Variants in ALX4 observed in about 807,000 individuals in gnomAD.
ALX4 encodes the protein homeobox protein aristaless-like 4.
Under a neutral mutation model 40.6 loss-of-function variants are expected in ALX4, and 22 were observed. The observed-to-expected ratio is 0.54, with a 90% CI of 0.39 to 0.77. The LOEUF is 0.77. Among genes scored for constraint, ALX4 ranks in the 30% least tolerant of loss-of-function variants. The pLI is 0.00. For missense variants in ALX4, 556 were observed against 564.8 expected (o/e 0.98, Z 0.16); for synonymous variants, 266 against 240.5 (o/e 1.11, Z -0.98).
rs888638764 is a variant in ALX4 at position 44,275,375 on chromosome 11, C to T, written c.750G>A (p.Arg250=). ...GCACGCGGGCCTCAGTGAGGTCTGT[C>T]CTCATGGCCAGCTGTTCCCGCGCAT... ...DVYAREQLAM[R]TDLTEARVQV... Residue 250 remains arginine (R), a synonymous_variant, in exon 2 of 4, where the codon AGG becomes AGA. Coordinates refer to ENST00000652299, the MANE Select transcript of ALX4 (RefSeq NM_021926.4). 6 of 1,614,092 alleles carry T rather than the reference C, an allele frequency of 3.7e-6. No individual in the cohort carries two copies. Among genetic ancestry groups the T allele is most frequent in the Non-Finnish European group, 4.2e-6 (5 of 1,180,046 alleles).
At chr11:44,268,479 C>A (rs745434069) in intron 2 of ALX4, among the ~76,000 whole-genome samples, 16 of 152,114 alleles carry the variant, frequency 1.1e-4, no homozygotes, top group Non-Finnish European at 2.2e-4. Context: ...GGAGGCCAAC[C>A]CGTCACTGAG....
intron 1 of ALX4, among the ~76,000 whole-genome samples, chr11:44,279,644 C>T (rs4405295): frequency 0.011 from 1,739 of 152,304 alleles, 35 homozygotes; most frequent in African/African-American, 0.04. Flanking sequence ...CATCTCGGGC[C>T]CCTGCCTGGC....
In ALX4 at chr11:44,310,051, C is replaced by A; in HGVS notation, c.12G>T (p.Glu4Asp). Reference protein sequence around the residue: MNAETCVSYCESPA... With the variant: MNADTCVSYCESPA... Reference sequence around the variant, plus strand: ...GCGACTCGCAGTAAGAGACGCAAGTCTCAGCATTCATGCCTGGCTTGCGCA... The same window carrying A: ...GCGACTCGCAGTAAGAGACGCAAGTATCAGCATTCATGCCTGGCTTGCGCA... The change falls in exon 1 of 4, where the codon GAG becomes GAT. Residue 4 changes from glutamate (E) to aspartate (D), a missense_variant. By Grantham distance (45) the Glu-to-Asp change is conservative (BLOSUM62 2). Transcript: ENST00000652299. 1 of 1,596,364 alleles carries A rather than the reference C, an allele frequency of 6.3e-7. No homozygotes were observed. Among genetic ancestry groups the A allele is most frequent in the Non-Finnish European group, 8.5e-7 (1 of 1,171,454 alleles).
chr11:44,300,006 A>T (rs148156168), intron 1 of ALX4, among the ~76,000 whole-genome samples: 1 of 152,312 alleles, frequency 6.6e-6, no homozygotes, highest in East Asian at 1.9e-4. Context: ...ATGGTTCTGC[A>T]GCAGCAGCCA....
At chr11:44,302,137 T>C (rs1023833464) in intron 1 of ALX4, among the ~76,000 whole-genome samples, 1 of 152,168 alleles carries the variant, frequency 6.6e-6, no homozygotes, top group Non-Finnish European at 1.5e-5. Context: ...AGGCAGAGGC[T>C]ATGCCACCCA....
intron 1 of ALX4, among the ~76,000 whole-genome samples, chr11:44,307,369 C>T (rs1285517438): frequency 6.6e-6 from 1 of 152,198 alleles, no homozygotes; most frequent in East Asian, 1.9e-4. Flanking sequence ...CCCTTTCCGT[C>T]AGCTCCAAAG....
intron 1 of ALX4, among the ~76,000 whole-genome samples, chr11:44,281,541 G>A (rs971612429): frequency 3.3e-5 from 5 of 151,992 alleles, no homozygotes; most frequent in Admixed American, 6.6e-5. Flanking sequence ...CTCTGTTCTC[G>A]GGTGAGCTGG....
chr11:44,289,521 G>A (rs1461483003), intron 1 of ALX4, among the ~76,000 whole-genome samples: 1 of 152,192 alleles, frequency 6.6e-6, no homozygotes, highest in African/African-American at 2.4e-5. Context: ...TAGCTAGGAG[G>A]GGCAGACTGG....
At chr11:44,267,720 G>A in intron 2 of ALX4, 98 bp from the exon 3 acceptor site, 1 of 1,551,122 alleles carries the variant, frequency 6.4e-7, no homozygotes, top group Non-Finnish European at 8.8e-7. Flanking sequence ...CCCCCCATCA[G>A]TTGCAGTGCG....
At chr11:44,287,488 G>A (rs771070555) in intron 1 of ALX4, among the ~76,000 whole-genome samples, 1 of 151,842 alleles carries the variant, frequency 6.6e-6, no homozygotes, top group African/African-American at 2.4e-5. Flanking sequence ...AAGGTCCAGG[G>A]GTGGTGGTTC....
Position 44,264,588 on chromosome 11 carries a change from A to C in ALX4, c.*266T>G, listed in dbSNP as rs60998360. 9,125 of 568,208 alleles carry C rather than the reference A, an allele frequency of 0.016. 703 individuals are homozygous for C. The East Asian group carries it at 0.19, about 12-fold the overall frequency. The allele number at this position is 568,208 out of a possible 1,614,324, so 35.2% of individuals were successfully genotyped here. On this transcript the variant is annotated 3_prime_UTR_variant, in exon 4 of 4. Transcript: ENST00000652299. ...CAGCTTATCATGGATGCGAAGCTGA[A>C]AAACGTGGCCACCTGGCTTTCTCCA...
At chr11:44,289,273 C>T (rs1009148842) in intron 1 of ALX4, among the ~76,000 whole-genome samples, 44 of 152,186 alleles carry the variant, frequency 2.9e-4, no homozygotes, top group Non-Finnish European at 1.5e-4. Context: ...AAGATACCAT[C>T]CCCTCACCCC....
chr11:44,274,715 C>T (rs998470531), intron 2 of ALX4, among the ~76,000 whole-genome samples: 6 of 151,636 alleles, frequency 4.0e-5, no homozygotes, highest in African/African-American at 1.5e-4. Context: ...GGGTTGTGTT[C>T]TGTTGGGTTG....
chr11:44,290,290 C>G (rs565316997), intron 1 of ALX4, among the ~76,000 whole-genome samples: 3 of 152,228 alleles, frequency 2.0e-5, no homozygotes, highest in African/African-American at 7.2e-5. Context: ...AGATCCTGCA[C>G]GAGGCAAAAT....
intron 3 of ALX4, 103 bp downstream of exon 3, chr11:44,267,391 G>T: frequency 6.7e-7 from 1 of 1,492,398 alleles, no homozygotes; most frequent in Non-Finnish European, 9.1e-7. Flanking sequence ...GGGCAGCCTG[G>T]AGCCATAAGT....
chr11:44,297,923 A>G (rs1300510284), intron 1 of ALX4, among the ~76,000 whole-genome samples: 4 of 152,004 alleles, frequency 2.6e-5, no homozygotes. Context: ...GCTCCTATTC[A>G]ACTTTCAAGG....
In ALX4 at chr11:44,275,461, T is replaced by G; in HGVS notation, c.664A>C (p.Thr222Pro). ...GKKRRNRTTF[T>P]SYQLEELEKV... ...TCCAGCTCCTCCAGCTGGTAGCTGG[T>G]GAAGGTGGTCCGGTTCCGCCGCTTC... The change falls in exon 2 of 4, where the codon ACC (threonine) becomes CCC (proline). Residue 222 changes from threonine to proline, a missense_variant. Coordinates refer to ENST00000652299, the MANE Select transcript of ALX4 (RefSeq NM_021926.4). 1 of 1,614,152 alleles carries G rather than the reference T, an allele frequency of 6.2e-7. No individual in the cohort carries two copies. The highest frequency in any genetic ancestry group is 8.5e-7 in the Non-Finnish European group (1 of 1,180,018).
intron 1 of ALX4, among the ~76,000 whole-genome samples, chr11:44,284,918 T>TACACAC (rs60186797): frequency 1.3e-5 from 2 of 150,716 alleles, no homozygotes; most frequent in Non-Finnish European, 3.0e-5. Flanking sequence ...CACATACACA[T>TACACAC]ACACACACAC....
At chr11:44,286,763 C>G (rs932463702) in intron 1 of ALX4, among the ~76,000 whole-genome samples, 1 of 152,174 alleles carries the variant, frequency 6.6e-6, no homozygotes, top group African/African-American at 2.4e-5. Context: ...TCATTCCAGT[C>G]TCCTCAGAAT....
Sources: allele counts gnomAD v4.1 joint callset (sites outside exome capture counted in the v4.1 genomes callset), GRCh38; gene constraint gnomAD v4.1.1; transcripts MANE v1.5; gene names NCBI Gene and HGNC (gene_info 2026-07-23, HGNC 2026-07-21).